FAM171A2: variants seen among roughly 807,000 people sequenced by gnomAD.
The protein encoded by FAM171A2 is family with sequence similarity 171 member A2.
FAM171A2 carries 13 observed loss-of-function variants against 34.2 expected under a neutral mutation model. The ratio of observed to expected loss-of-function variants is 0.38; its 90% CI spans 0.25 to 0.60. The LOEUF (loss-of-function observed/expected upper bound fraction) is 0.60. FAM171A2 is among the 20% of genes least tolerant of loss of function. The probability of loss-of-function intolerance (pLI) is 0.62; values close to 1 mark genes in which losing one functional copy is unlikely to be tolerated. For synonymous variants in FAM171A2, 475 were observed against 561.2 expected, an observed-to-expected ratio of 0.85 and a Z score of 2.17; for missense variants, 950 against 1,180.7, an observed-to-expected ratio of 0.80 and a Z score of 2.86.
In FAM171A2 at chr17:44,353,619, C is replaced by A. The variant is rs1319859761; in HGVS notation, c.*114G>T. Reference sequence around the variant, plus strand: ...ACGGAACAGCTCCAAGGCCCCTGGGCCCCTCTCCGGCCTGGGGCTGGGAGC... The same window carrying A: ...ACGGAACAGCTCCAAGGCCCCTGGGACCCTCTCCGGCCTGGGGCTGGGAGC... On this transcript the variant is annotated 3_prime_UTR_variant, in exon 8 of 8. Transcript: ENST00000293443. The A allele has an allele frequency of 1.1e-5, 9 of 801,712 alleles. No individual in the cohort carries two copies. The East Asian group carries it at 2.6e-4, about 23-fold the overall frequency. The allele number at this position is 801,712 out of a possible 1,614,324, so 49.7% of individuals were successfully genotyped here.
In FAM171A2 at chr17:44,361,699, G is replaced by GT. The variant is rs565416561; in HGVS notation, c.119-1568dup. 2.6e-3 allele frequency among the ~76,000 whole-genome samples: 401 copies of GT among 152,234 alleles called. 2 individuals are homozygous for GT. The highest frequency in any genetic ancestry group is 3.1e-3 in the Non-Finnish European group (212 of 68,016). On this transcript the variant is annotated intron_variant, in intron 1 of 7. Coordinates refer to ENST00000293443, the MANE Select transcript of FAM171A2 (RefSeq NM_198475.3). ...TCCAGGAAGCTGGCACCCCTTTACT[G>GT]TTTTTTTGCACATTTGATGTGATTT...
chr17:44,355,603 A>C lies in FAM171A2; in HGVS notation c.1022+112T>G. On this transcript the variant is annotated intron_variant, in intron 7 of 7. Transcript: ENST00000293443. The surrounding 1 kb of genome is among the most constrained non-coding windows in gnomAD (Gnocchi z 4.1). ...GCCCTTCAGGTCTTAGCATGTTTGC[A>C]GGAAGTCTTTTCCTGTCTGCCCCTT... is the stretch of plus-strand genomic sequence containing the variant. The C allele has an allele frequency of 7.1e-7, 1 of 1,415,786 alleles. No homozygotes were observed. The highest frequency in any genetic ancestry group is 9.5e-7 in the Non-Finnish European group (1 of 1,047,402). 87.7% of individuals were successfully genotyped at this position (1,415,786 alleles called of 1,614,324 possible).
chr17:44,353,573 A>T lies in FAM171A2; in HGVS notation c.*160T>A. The T allele has an allele frequency of 2.2e-6, 1 of 461,392 alleles. No homozygotes were observed. 28.6% of individuals were successfully genotyped at this position (461,392 alleles called of 1,614,324 possible). A position where few individuals can be genotyped will look rare whatever the true frequency, so the allele number is the denominator to read the frequency against. On this transcript the variant is annotated 3_prime_UTR_variant, in exon 8 of 8. Transcript: ENST00000293443. Reference sequence around the variant, plus strand: ...GGAGGCAGACACAGGGTCCCTTGCAAGACACGACCCAGCACCAACCACGGA... The same window carrying T: ...GGAGGCAGACACAGGGTCCCTTGCATGACACGACCCAGCACCAACCACGGA...
chr17:44,354,241 A>T lies in FAM171A2; in HGVS notation c.1973T>A (p.Leu658His). Residue 658 changes from leucine (L) to histidine (H), a missense_variant, in exon 8 of 8, where the codon CTC (leucine) becomes CAC (histidine). By Grantham distance (99) the Leu-to-His change is moderately conservative (BLOSUM62 -3). Around this residue, in one of 3 missense-constraint regions of FAM171A2, gnomAD observed 752 missense variants for 924.5 expected, o/e 0.81. Transcript: ENST00000293443. This position sits in a 1 kb window ranked among gnomAD's most constrained non-coding sequence, Gnocchi z 5.8. ...CACTTGCGAGTTGGAGCGCCCGTCG[A>T]GGGACACGAACCAGGCGCGCGGGTG... is the stretch of plus-strand genomic sequence containing the variant. ...KPHPRAWFVS[L>H]DGRSNSQVRH... is the part of the protein sequence containing the mutation. 6.9e-7 allele frequency: 1 copy of T among 1,454,246 alleles called. No homozygotes were observed. The highest frequency in any genetic ancestry group is 9.1e-7 in the Non-Finnish European group (1 of 1,095,348). 90.1% of individuals were successfully genotyped at this position (1,454,246 alleles called of 1,614,324 possible). A position where few individuals can be genotyped will look rare whatever the true frequency, so the allele number is the denominator to read the frequency against.
intron 1 of FAM171A2, 143 bp downstream of exon 1, chr17:44,363,454 C>T (rs1245620606): frequency 2.5e-6 from 1 of 401,256 alleles, no homozygotes; most frequent in Non-Finnish European, 4.3e-6. Flanking sequence ...AGCGCCAACC[C>T]CAGATCGCTT....
At chr17:44,359,431 C>T (rs2048438778) in intron 3 of FAM171A2, 148 bp downstream of exon 3, 1 of 653,940 alleles carries the variant, frequency 1.5e-6, no homozygotes, top group South Asian at 1.9e-5. Context: ...TAGGCACTAA[C>T]CTTCCACGTC....
chr17:44,354,481 TG>T lies in FAM171A2; in HGVS notation c.1732del (p.Gln578SerfsTer60). ...TAPGPARAFPQPDPQRPQMPG... is the reference protein window; with the variant it reads ...TAPGPARAFPXPDPQRPQMPG... The stretch of plus-strand genomic sequence containing the variant: ...CATCTGCGGGCGCTGGGGGTCGGGC[TG>T]GGGAAAAGCGCGCGCCGGGCCGGGT... On this transcript the variant is annotated frameshift_variant, in exon 8 of 8. Transcript: ENST00000293443. LOFTEE classifies it low-confidence loss of function (END_TRUNC). The surrounding 1 kb of genome is among the most constrained non-coding windows in gnomAD (Gnocchi z 5.8). 9.3e-7 allele frequency: 1 copy of T among 1,078,060 alleles called. No homozygotes were observed. Among genetic ancestry groups the T allele is most frequent in the Non-Finnish European group, 1.1e-6 (1 of 890,200 alleles). The allele number at this position is 1,078,060 out of a possible 1,614,324, so 66.8% of individuals were successfully genotyped here.
rs112917867 is a variant in FAM171A2, at chr17:44,359,649, G to A, written c.369C>T (p.Tyr123=). The part of the protein sequence containing the change: ...KLPLYASVSL[Y]LLPERPATLI... ...GCGTGGCCGGCCGCTCAGGGAGCAG[G>A]TAGAGGCTGACAGACGCATACACTG... Residue 123 remains tyrosine (Y), a synonymous_variant, in exon 3 of 8, where the codon TAC becomes TAT. Transcript: ENST00000293443. 35 of 1,550,848 alleles carry A rather than the reference G, an allele frequency of 2.3e-5. No homozygotes were observed. The African/African-American group carries it at 2.7e-4, about 12-fold the overall frequency.
Position 44,356,530 on chromosome 17 carries a change from G to T in FAM171A2, c.498C>A (p.Ser166Arg), listed in dbSNP as rs1442860159. Residue 166 changes from serine to arginine, a missense_variant, in exon 4 of 8, where the codon AGC becomes AGA. Ser to Arg is a moderately radical substitution (Grantham distance 110). Around this residue, in one of 3 missense-constraint regions of FAM171A2, gnomAD observed 752 missense variants for 924.5 expected, o/e 0.81. Coordinates refer to ENST00000293443, the MANE Select transcript of FAM171A2 (RefSeq NM_198475.3). ...FQRRAARLPV[S>R]STYSQLWASL... ...ACGCCCAGAGCTGGCTGTAGGTGGA[G>T]CTGACAGGCAGGCGGGCAGCCCGGC... 4 of 1,550,078 alleles carry T rather than the reference G, an allele frequency of 2.6e-6. No homozygotes were observed. The East Asian group carries it at 7.3e-5, about 28-fold the overall frequency.
chr17:44,362,072 T>C (rs951311868), intron 1 of FAM171A2, among the ~76,000 whole-genome samples: 2 of 147,806 alleles, frequency 1.4e-5, no homozygotes, highest in African/African-American at 5.1e-5. Flanking sequence ...GGTGGGCTGG[T>C]AAGGATCTGT....
At position 44,353,661 on chromosome 17, in the gene FAM171A2, C is replaced by CGCGGGCCCCCGGGGCGCGCCCCCTGGGT; in HGVS notation, c.*71_*72insACCCAGGGGGCGCGCCCCGGGGGCCCGC. 2 of 1,149,052 alleles carry CGCGGGCCCCCGGGGCGCGCCCCCTGGGT rather than the reference C, an allele frequency of 1.7e-6. No individual in the cohort carries two copies. Among genetic ancestry groups the CGCGGGCCCCCGGGGCGCGCCCCCTGGGT allele is most frequent in the Non-Finnish European group, 2.2e-6 (2 of 924,772 alleles). The allele number at this position is 1,149,052 out of a possible 1,614,324, so 71.2% of individuals were successfully genotyped here. On this transcript the variant is annotated 3_prime_UTR_variant, in exon 8 of 8. Transcript: ENST00000293443. ...GCTGGGAGCTACGCGCGAGGGCCCCCGCGGGCCCCCGGGGCGCGCACCCTG... is the reference window on the plus strand; with the variant it reads ...GCTGGGAGCTACGCGCGAGGGCCCCCGCGGGCCCCCGGGGCGCGCCCCCTGGGTGCGGGCCCCCGGGGCGCGCACCCTG...
Position 44,353,392 on chromosome 17 carries a change from A to C in FAM171A2, c.*341T>G. On this transcript the variant is annotated 3_prime_UTR_variant, in exon 8 of 8. Transcript: ENST00000293443. ...CACAAAGAACGCCCCCTCCCTTCCC[A>C]GCCCTCACACTAGCAGCTGAGGCTG... is the stretch of plus-strand genomic sequence containing the variant. 5.9e-6 allele frequency: 1 copy of C among 169,094 alleles called. No individual in the cohort carries two copies. 10.5% of individuals were successfully genotyped at this position (169,094 alleles called of 1,614,324 possible).
At chr17:44,357,287 C>T (rs140529521) in intron 3 of FAM171A2, among the ~76,000 whole-genome samples, 2,738 of 145,408 alleles carry the variant, frequency 0.019, 37 homozygotes, top group Middle Eastern at 0.048. Flanking sequence ...GGGGAGGTTG[C>T]GGTGAGCTGA....
chr17:44,355,028 C>T lies in FAM171A2; in HGVS notation c.1186G>A (p.Gly396Ser). The T allele has an allele frequency of 2.0e-6, 3 of 1,531,954 alleles. No individual in the cohort carries two copies. The highest frequency in any genetic ancestry group is 1.8e-6 in the Non-Finnish European group (2 of 1,139,018). The allele number at this position is 1,531,954 out of a possible 1,614,324, so 94.9% of individuals were successfully genotyped here. ...PSGDPEAPPP[G>S]PLHSAFSSSR... Reference sequence around the variant, plus strand: ...CTGGAGAAGGCCGAGTGGAGGGGGCCTGGAGGCGGAGCCTCGGGGTCCCCC... The same window carrying T: ...CTGGAGAAGGCCGAGTGGAGGGGGCTTGGAGGCGGAGCCTCGGGGTCCCCC... The change falls in exon 8 of 8, where the codon GGC becomes AGC. Residue 396 changes from glycine to serine, a missense_variant. Around this residue, in one of 3 missense-constraint regions of FAM171A2, gnomAD observed 752 missense variants for 924.5 expected, o/e 0.81. Transcript: ENST00000293443. The surrounding 1 kb of genome is among the most constrained non-coding windows in gnomAD (Gnocchi z 4.1).
chr17:44,355,179 C>T lies in FAM171A2; in HGVS notation c.1035G>A (p.Leu345=). 1 of 1,550,606 alleles carries T rather than the reference C, an allele frequency of 6.4e-7. No homozygotes were observed. The highest frequency in any genetic ancestry group is 8.7e-7 in the Non-Finnish European group (1 of 1,146,812). The change falls in exon 8 of 8, where the codon CTG becomes CTA. Residue 345 remains leucine (L), a synonymous_variant. Transcript: ENST00000293443. The surrounding 1 kb of genome is among the most constrained non-coding windows in gnomAD (Gnocchi z 4.1). ...GCTTGCGGTGCTGTTGCCTCGGCTT[C>T]AGGCAGCGCCTCCTGGAAGGGAGGG... ...LLIYYCRRRC[L]KPRQQHRKLQ...
At chr17:44,362,823 G>T (rs1031660208) in intron 1 of FAM171A2, among the ~76,000 whole-genome samples, 2 of 151,766 alleles carry the variant, frequency 1.3e-5, no homozygotes, top group Non-Finnish European at 2.9e-5. Flanking sequence ...CCTGCTGAAT[G>T]GGGGGGGACC....
chr17:44,355,146 G>A lies in FAM171A2; in HGVS notation c.1068C>T (p.Leu356=), dbSNP rs1325956219. ...GTTTGTTACCGTCAGAGGGCCCCGA[G>A]AGCTGCAGCTTGCGGTGCTGTTGCC... ...KPRQQHRKLQ[L]SGPSDGNKRD... The change falls in exon 8 of 8, where the codon CTC becomes CTT. Residue 356 remains leucine (L), a synonymous_variant. Transcript: ENST00000293443. This position sits in a 1 kb window ranked among gnomAD's most constrained non-coding sequence, Gnocchi z 4.1. The A allele has an allele frequency of 6.4e-6, 10 of 1,551,020 alleles. No homozygotes were observed. Among genetic ancestry groups the A allele is most frequent in the Non-Finnish European group, 8.7e-6 (10 of 1,146,934 alleles).
chr17:44,356,988 C>G (rs2048427058), intron 3 of FAM171A2, among the ~76,000 whole-genome samples: 1 of 152,136 alleles, frequency 6.6e-6, no homozygotes, highest in Non-Finnish European at 1.5e-5. Flanking sequence ...ACACACGTGG[C>G]TGTTAAGCAT....
chr17:44,353,812 A>G lies in FAM171A2; in HGVS notation c.2402T>C (p.Val801Ala). 1 of 1,425,824 alleles carries G rather than the reference A, an allele frequency of 7.0e-7. No individual in the cohort carries two copies. 88.3% of individuals were successfully genotyped at this position (1,425,824 alleles called of 1,614,324 possible). A position where few individuals can be genotyped will look rare whatever the true frequency, so the allele number is the denominator to read the frequency against. The change falls in exon 8 of 8, where the codon GTG becomes GCG. Residue 801 changes from valine (V) to alanine (A), a missense_variant. Physicochemically the swap from Val to Ala is moderately conservative, Grantham distance 64. Transcript: ENST00000293443. Reference protein sequence around the residue: ...TSPEDELGAEVGDEAGDKKSP... With the variant: ...TSPEDELGAEAGDEAGDKKSP... ...CTTCTTGTCTCCCGCCTCGTCGCCC[A>G]CCTCCGCCCCCAGCTCGTCCTCCGG...
Sources: gnomAD v4.1 joint callset for allele counts (sites outside exome capture counted in the v4.1 genomes callset) on GRCh38, gnomAD v4.1.1 for gene constraint, gnomAD v4.1.1 regional missense constraint, Gnocchi (gnomAD v3.1) non-coding constraint, MANE v1.5 for transcripts, NCBI Gene and HGNC (gene_info 2026-07-23, HGNC 2026-07-21) for gene names.